The following PDE8B variants were observed in gnomAD, a reference collection of about 807,000 sequenced individuals.
The protein encoded by PDE8B is phosphodiesterase 8B, also known as high affinity cAMP-specific and IBMX-insensitive 3',5'-cyclic phosphodiesterase 8B.
PDE8B carries 26 observed loss-of-function variants against 101.3 expected under a neutral mutation model. That is an observed-to-expected ratio of 0.26 (90% CI 0.19 to 0.36). The LOEUF (loss-of-function observed/expected upper bound fraction) is 0.36, where lower values mean the gene tolerates loss of function less well. Among genes scored for constraint, PDE8B ranks in the 10% least tolerant of loss-of-function variants. The pLI is 1.00. For missense variants in PDE8B, 810 were observed against 1,163.1 expected (o/e 0.70, Z 4.42); for synonymous variants, 424 against 429.3 (o/e 0.99, Z 0.15).
Position 77,247,923 on chromosome 5 carries a change from C to T in PDE8B, c.339+36659C>T, listed in dbSNP as rs545357691. 2.0e-5 allele frequency among the ~76,000 whole-genome samples: 3 copies of T among 152,238 alleles called. No homozygotes were observed. The East Asian group carries it at 5.8e-4, about 29-fold the overall frequency. On this transcript the variant is annotated intron_variant, in intron 1 of 21. Coordinates refer to ENST00000264917, the MANE Select transcript of PDE8B (RefSeq NM_003719.5). ...TAGGTATTCAGTAAATGTTTGCTGT[C>T]CAGGGGATCCATGCAGGAAGGTCTG... is the stretch of plus-strand genomic sequence containing the variant.
chr5:77,425,403 A>AT (rs1402377685), intron 20 of PDE8B, among the ~76,000 whole-genome samples: 2 of 152,200 alleles, frequency 1.3e-5, no homozygotes, highest in Non-Finnish European at 2.9e-5. Context: ...TCTACTAAAA[A>AT]TTAGCTGGAC....
rs1778027369 is a variant in PDE8B, at chr5:77,335,620, G to A, written c.709-1607G>A. ...TTGATTTTTTTCTCTGGCCAACTTG[G>A]GTGAAGGAAATCTAAGAAATACATC... is the stretch of plus-strand genomic sequence containing the variant. On this transcript the variant is annotated intron_variant, in intron 5 of 21. Coordinates refer to ENST00000264917, the MANE Select transcript of PDE8B (RefSeq NM_003719.5). Among the ~76,000 whole-genome samples, 3 of 151,688 alleles carry A rather than the reference G, an allele frequency of 2.0e-5. No individual in the cohort carries two copies. The South Asian group carries it at 6.3e-4, about 32-fold the overall frequency.
At chr5:77,311,239 G>C (rs372137655) in intron 1 of PDE8B, among the ~76,000 whole-genome samples, 1 of 152,190 alleles carries the variant, frequency 6.6e-6, no homozygotes, top group East Asian at 1.9e-4. Context: ...TCTCAGTAAA[G>C]TAATTAAAAA....
chr5:77,280,932 T>C (rs1764851241), intron 1 of PDE8B, among the ~76,000 whole-genome samples: 1 of 151,942 alleles, frequency 6.6e-6, no homozygotes, highest in African/African-American at 2.4e-5. Context: ...CAAAAAACAG[T>C]TCACAGACCA....
At chr5:77,224,575 A>G (rs1751913992) in intron 1 of PDE8B, among the ~76,000 whole-genome samples, 1 of 152,278 alleles carries the variant, frequency 6.6e-6, no homozygotes, top group African/African-American at 2.4e-5. Context: ...GACTGTTTAG[A>G]AAACACAACC....
chr5:77,303,597 TAA>T (rs1178173976), intron 1 of PDE8B, among the ~76,000 whole-genome samples: 5 of 151,554 alleles, frequency 3.3e-5, no homozygotes, highest in Non-Finnish European at 5.9e-5. Flanking sequence ...AATAAATAAA[TAA>T]ATAGGTCATT....
chr5:77,229,620 G>A (rs912138544), intron 1 of PDE8B, among the ~76,000 whole-genome samples: 4 of 152,042 alleles, frequency 2.6e-5, no homozygotes, highest in Admixed American at 2.6e-4. Flanking sequence ...CCTACCCCTG[G>A]CAACCATTAA....
chr5:77,378,785 C>T (rs1786865995), intron 10 of PDE8B, among the ~76,000 whole-genome samples: 1 of 152,186 alleles, frequency 6.6e-6, no homozygotes, highest in African/African-American at 2.4e-5. Flanking sequence ...CCACCCAGAC[C>T]TACTGAGTCA....
chr5:77,408,039 A>G (rs1204467052), intron 13 of PDE8B, among the ~76,000 whole-genome samples: 2 of 152,204 alleles, frequency 1.3e-5, no homozygotes, highest in Non-Finnish European at 2.9e-5. Flanking sequence ...TTTGTTGAAA[A>G]GAACACCCAG....
At chr5:77,222,529 G>A (rs1490138580) in intron 1 of PDE8B, among the ~76,000 whole-genome samples, 1 of 152,162 alleles carries the variant, frequency 6.6e-6, no homozygotes, top group African/African-American at 2.4e-5. Context: ...GGCTGAGACA[G>A]GAGGATTACT....
At chr5:77,295,901 G>A (rs1309300900) in intron 1 of PDE8B, among the ~76,000 whole-genome samples, 2 of 152,158 alleles carry the variant, frequency 1.3e-5, no homozygotes, top group African/African-American at 4.8e-5. Context: ...GATGTTACGA[G>A]AAACAACCTC....
intron 1 of PDE8B, among the ~76,000 whole-genome samples, chr5:77,297,102 G>A (rs1175596951): frequency 6.6e-6 from 1 of 152,156 alleles, no homozygotes; most frequent in African/African-American, 2.4e-5. Context: ...GAAAGGGCAA[G>A]TGAGTGTGGG....
intron 1 of PDE8B, among the ~76,000 whole-genome samples, chr5:77,271,781 A>G (rs1285698135): frequency 6.6e-6 from 1 of 152,200 alleles, no homozygotes; most frequent in East Asian, 1.9e-4. Context: ...GATGCTGGAT[A>G]GTCCTTATAC....
chr5:77,210,635 C>A (rs1473562171), upstream of PDE8B: 4 of 981,480 alleles, frequency 4.1e-6, no homozygotes, highest in Non-Finnish European at 4.8e-6. This position sits in a 1 kb window ranked among gnomAD's most constrained non-coding sequence, Gnocchi z 4.9. Context: ...GTGTTTGGGG[C>A]GCCGCGGCGG....
intron 1 of PDE8B, among the ~76,000 whole-genome samples, chr5:77,281,035 G>A (rs1042827480): frequency 6.6e-6 from 1 of 152,274 alleles, no homozygotes; most frequent in Admixed American, 6.5e-5. Flanking sequence ...GGGGCTGGAG[G>A]TGTGCTTGCT....
At chr5:77,398,317 A>G (rs902462581) in intron 10 of PDE8B, among the ~76,000 whole-genome samples, 1 of 105,160 alleles carries the variant, frequency 9.5e-6, no homozygotes, top group African/African-American at 3.7e-5. Flanking sequence ...AAGCTGTTTT[A>G]CTTTTTTTTT....
At chr5:77,359,001 G>A (rs1782618110) in intron 10 of PDE8B, among the ~76,000 whole-genome samples, 1 of 152,200 alleles carries the variant, frequency 6.6e-6, no homozygotes, top group South Asian at 2.1e-4. Context: ...CTGATATTGC[G>A]AAACCACATT....
At chr5:77,272,604 T>TG (rs1763015870) in intron 1 of PDE8B, among the ~76,000 whole-genome samples, 1 of 152,218 alleles carries the variant, frequency 6.6e-6, no homozygotes, top group African/African-American at 2.4e-5. Context: ...AGCTACTGCT[T>TG]GCCACCCTGG....
intron 10 of PDE8B, among the ~76,000 whole-genome samples, chr5:77,359,929 C>G (rs1011369670): frequency 6.6e-6 from 1 of 152,060 alleles, no homozygotes; most frequent in Non-Finnish European, 1.5e-5. Context: ...AACCCCGTCT[C>G]TACGAAAAAT....
Sources: allele counts gnomAD v4.1 joint callset (sites outside exome capture counted in the v4.1 genomes callset), GRCh38; gene constraint gnomAD v4.1.1; non-coding constraint Gnocchi (gnomAD v3.1); transcripts MANE v1.5; gene names NCBI Gene and HGNC (gene_info 2026-07-23, HGNC 2026-07-21).